The following DCLRE1C variants were observed in gnomAD, a reference collection of about 807,000 sequenced individuals.
DCLRE1C encodes DNA cross-link repair 1C, also known as protein artemis.
In DCLRE1C, 47 loss-of-function variants were observed where a neutral mutation model predicts 61.4. That is an observed-to-expected ratio of 0.77 (90% CI 0.61 to 0.98). The LOEUF (loss-of-function observed/expected upper bound fraction) is 0.98. Ranked by LOEUF, DCLRE1C falls within the 50% of genes least tolerant of loss-of-function variation. DCLRE1C has a pLI of 0.00. For missense variants in DCLRE1C, 858 were observed against 816.0 expected (o/e 1.05, Z -0.63); for synonymous variants, 337 against 287.6 (o/e 1.17, Z -1.74).
At chr10:14,932,732 C>T (rs1839234546) in intron 9 of DCLRE1C, 122 bp downstream of exon 9, 2 of 1,164,970 alleles carry the variant, frequency 1.7e-6, no homozygotes, top group Middle Eastern at 1.9e-4. Flanking sequence ...GAGCTAACAA[C>T]TTAGGATTGC....
chr10:14,925,392 AT>A (rs2130815051), intron 11 of DCLRE1C, among the ~76,000 whole-genome samples: 1 of 152,300 alleles, frequency 6.6e-6, no homozygotes, highest in African/African-American at 2.4e-5. Context: ...CTGCCTTAAA[AT>A]AAGGCATCAA....
chr10:14,952,135 T>C (rs1842543652), intron 1 of DCLRE1C, among the ~76,000 whole-genome samples: 1 of 152,230 alleles, frequency 6.6e-6, no homozygotes, highest in Non-Finnish European at 1.5e-5. Context: ...GATTTATTAT[T>C]TCTCCAAACT....
At position 14,949,088 on chromosome 10, in the gene DCLRE1C, C is replaced by G; in HGVS notation, c.110-1G>C. 6.2e-7 allele frequency: 1 copy of G among 1,606,342 alleles called. No individual in the cohort carries two copies. Among genetic ancestry groups the G allele is most frequent in the Non-Finnish European group, 8.5e-7 (1 of 1,173,378 alleles). ...GGGGCTCTTAATCCTTTCATGTGAT[C>G]TAAAAACAAAAGAACAAAAACTCAT... On this transcript the variant is annotated splice_acceptor_variant, in intron 1 of 13. Transcript: ENST00000378278. LOFTEE classifies it high-confidence loss of function.
chr10:14,907,193 G>A lies in DCLRE1C; in HGVS notation c.*1215C>T, dbSNP rs532698576. ...ATTTTCTTTTATATTCTAATTGTCC[G>A]CTTCTAATTTGGCCACCGTATTCAC... is the stretch of plus-strand genomic sequence containing the variant. On this transcript the variant is annotated 3_prime_UTR_variant, in exon 14 of 14. Coordinates refer to ENST00000378278, the MANE Select transcript of DCLRE1C (RefSeq NM_001033855.3). 6.9e-4 allele frequency among the ~76,000 whole-genome samples: 105 copies of A among 151,548 alleles called. No homozygotes were observed. Among genetic ancestry groups the A allele is most frequent in the Middle Eastern group, 3.4e-3 (1 of 294 alleles).
intron 3 of DCLRE1C, among the ~76,000 whole-genome samples, chr10:14,944,219 C>A (rs896666261): frequency 1.3e-5 from 2 of 152,168 alleles, no homozygotes; most frequent in Admixed American, 1.3e-4. Flanking sequence ...ACCTGTAATT[C>A]CAACACTTTG....
rs569397454 is a variant in DCLRE1C at position 14,909,268 on chromosome 10, A to G, written c.1219T>C (p.Tyr407His). 2 of 1,613,878 alleles carry G rather than the reference A, an allele frequency of 1.2e-6. No individual in the cohort carries two copies. The highest frequency in any genetic ancestry group is 1.1e-5 in the South Asian group (1 of 91,004). Residue 407 changes from tyrosine (Y) to histidine (H), a missense_variant, in exon 14 of 14, where the codon TAC becomes CAC. Coordinates refer to ENST00000378278, the MANE Select transcript of DCLRE1C (RefSeq NM_001033855.3). ...LPIPLRHKVP[Y>H]PETFHPEVFS... ...ACCTCAGGGTGAAAAGTTTCCGGGT[A>G]TGGAACTTTGTGCCTTAAAGGTATT...
rs553268296 is a variant in DCLRE1C at position 14,952,019 on chromosome 10, C to T, written c.109+1883G>A. 1.8e-4 allele frequency among the ~76,000 whole-genome samples: 27 copies of T among 152,276 alleles called. 1 individual carries two copies. The South Asian group carries it at 5.0e-3, about 28-fold the overall frequency. On this transcript the variant is annotated intron_variant, in intron 1 of 13. Coordinates refer to ENST00000378278, the MANE Select transcript of DCLRE1C (RefSeq NM_001033855.3). Reference sequence around the variant, plus strand: ...TATGTCCTGGTTGACTAAGCAGATCCACATGTGGTCAGAGAACAGAAAAAG... The same window carrying T: ...TATGTCCTGGTTGACTAAGCAGATCTACATGTGGTCAGAGAACAGAAAAAG...
At chr10:14,935,638 C>A in intron 5 of DCLRE1C, 74 bp from the exon 6 acceptor site, 1 of 1,369,968 alleles carries the variant, frequency 7.3e-7, no homozygotes, top group Non-Finnish European at 1.0e-6. Flanking sequence ...ATGTGAGCTG[C>A]ATACTAAATG....
At chr10:14,948,484 C>T (rs1842004400) in intron 2 of DCLRE1C, among the ~76,000 whole-genome samples, 1 of 152,182 alleles carries the variant, frequency 6.6e-6, no homozygotes, top group Non-Finnish European at 1.5e-5. Context: ...CTCTCATATA[C>T]TCTTACAGAA....
In DCLRE1C at chr10:14,936,632, G is replaced by C. The variant is rs752022119; in HGVS notation, c.307-39C>G. 2.1e-6 allele frequency: 3 copies of C among 1,436,184 alleles called. No individual in the cohort carries two copies. In the Admixed American group the frequency reaches 5.1e-5, roughly 25 times the overall value. The allele number at this position is 1,436,184 out of a possible 1,614,324, so 89.0% of individuals were successfully genotyped here. A position where few individuals can be genotyped will look rare whatever the true frequency, so the allele number is the denominator to read the frequency against. ...AAAGAAAAAATAGTAATGGAAAGCA[G>C]TTATCATTAGGACCTAGCTCAACAA... On this transcript the variant is annotated intron_variant, in intron 4 of 13. Coordinates refer to ENST00000378278, the MANE Select transcript of DCLRE1C (RefSeq NM_001033855.3).
intron 13 of DCLRE1C, among the ~76,000 whole-genome samples, chr10:14,914,527 T>C (rs1009413635): frequency 2.0e-5 from 3 of 152,262 alleles, no homozygotes; most frequent in Admixed American, 6.5e-5. Context: ...TTGACATTTA[T>C]AGAACACTTC....
At chr10:14,914,132 C>A (rs1466616245) in intron 13 of DCLRE1C, among the ~76,000 whole-genome samples, 5 of 152,076 alleles carry the variant, frequency 3.3e-5, no homozygotes, top group Non-Finnish European at 7.4e-5. Flanking sequence ...TAAAAACATC[C>A]AACAACATAC....
Position 14,936,438 on chromosome 10 carries a change from G to T in DCLRE1C, c.362+100C>A. 6.6e-6 allele frequency: 6 copies of T among 913,490 alleles called. No individual in the cohort carries two copies. In the South Asian group the frequency reaches 8.5e-5, roughly 13 times the overall value. 56.6% of individuals were successfully genotyped at this position (913,490 alleles called of 1,614,324 possible). A position where few individuals can be genotyped will look rare whatever the true frequency, so the allele number is the denominator to read the frequency against. ...ACTGGGATTACAGACATGTGCCACT[G>T]CACCCAGCCCCCTATTAATTTTAGA... On this transcript the variant is annotated intron_variant, in intron 5 of 13. Coordinates refer to ENST00000378278, the MANE Select transcript of DCLRE1C (RefSeq NM_001033855.3).
At chr10:14,928,272 A>G in intron 9 of DCLRE1C, 120 bp from the exon 10 acceptor site, 1 of 885,610 alleles carries the variant, frequency 1.1e-6, no homozygotes, top group African/African-American at 1.7e-5. Flanking sequence ...AAATAAAAAA[A>G]AAGCAGCAAA....
Position 14,935,453 on chromosome 10 carries a change from G to C in DCLRE1C, c.464+10C>G, listed in dbSNP as rs1363387377. ...ATAAAATAAAATAAAACCTATACGAGGCCCAGTACCTGCCCCCGGAGTGCA... is the reference window on the plus strand; with the variant it reads ...ATAAAATAAAATAAAACCTATACGACGCCCAGTACCTGCCCCCGGAGTGCA... On this transcript the variant is annotated intron_variant, in intron 6 of 13. Coordinates refer to ENST00000378278, the MANE Select transcript of DCLRE1C (RefSeq NM_001033855.3). 6.2e-7 allele frequency: 1 copy of C among 1,612,944 alleles called. No individual in the cohort carries two copies. Among genetic ancestry groups the C allele is most frequent in the South Asian group, 1.1e-5 (1 of 91,028 alleles).
At chr10:14,911,216 G>A (rs755316050) in intron 13 of DCLRE1C, 2 of 152,186 alleles carry the variant, frequency 1.3e-5, no homozygotes, top group Non-Finnish European at 2.9e-5. Context: ...TCTTGTCCTG[G>A]TCCCAACAGC....
chr10:14,912,116 C>T (rs975836693), intron 13 of DCLRE1C, among the ~76,000 whole-genome samples: 1 of 152,240 alleles, frequency 6.6e-6, no homozygotes, highest in African/African-American at 2.4e-5. Context: ...TGGCTGTTAT[C>T]TAGAGATGGA....
intron 3 of DCLRE1C, among the ~76,000 whole-genome samples, chr10:14,944,708 T>A (rs1589134372): frequency 1.4e-5 from 2 of 140,318 alleles, no homozygotes; most frequent in South Asian, 2.5e-4. Context: ...GGAGTCCCAC[T>A]CTGTTGCCCA....
downstream of DCLRE1C, chr10:14,902,713 A>G: frequency 7.4e-6 from 3 of 406,096 alleles, no homozygotes; most frequent in Non-Finnish European, 9.0e-6. Context: ...TGAAGTCGAC[A>G]TATTTATAGT....
Sources: allele counts gnomAD v4.1 joint callset (sites outside exome capture counted in the v4.1 genomes callset), GRCh38; gene constraint gnomAD v4.1.1; transcripts MANE v1.5; gene names NCBI Gene and HGNC (gene_info 2026-07-23, HGNC 2026-07-21).